The following ZNF385B variants were observed in gnomAD, a reference collection of about 807,000 sequenced individuals.
The protein encoded by ZNF385B is zinc finger protein 533.
A neutral mutation model predicts 39.2 loss-of-function variants in ZNF385B; 23 were observed. The observed-to-expected ratio is 0.59, with a 90% CI of 0.42 to 0.83. The LOEUF is 0.83. Ranked by LOEUF, ZNF385B falls within the 40% of genes least tolerant of loss-of-function variation. ZNF385B has a pLI of 0.00. For missense variants in ZNF385B, 552 were observed against 598.9 expected (o/e 0.92, Z 0.82); for synonymous variants, 205 against 222.6 (o/e 0.92, Z 0.70).
At chr2:179,753,204 T>A (rs1415016700) in intron 3 of ZNF385B, among the ~76,000 whole-genome samples, 1 of 152,248 alleles carries the variant, frequency 6.6e-6, no homozygotes, top group South Asian at 2.1e-4. Context: ...ATTTCCCCAT[T>A]TCTTGTTTTT....
At chr2:179,769,280 C>T (rs1262917323) in intron 3 of ZNF385B, among the ~76,000 whole-genome samples, 1 of 152,092 alleles carries the variant, frequency 6.6e-6, no homozygotes, top group Non-Finnish European at 1.5e-5. Context: ...ACAAATTGTG[C>T]ATATGTGTGT....
chr2:179,570,302 T>C (rs1211941615), intron 3 of ZNF385B, among the ~76,000 whole-genome samples: 1 of 152,096 alleles, frequency 6.6e-6, no homozygotes, highest in African/African-American at 2.4e-5. Context: ...CCTTTGTGAG[T>C]TCACTAAGGC....
At chr2:179,811,093 C>A (rs1706704924) in intron 1 of ZNF385B, among the ~76,000 whole-genome samples, 1 of 152,032 alleles carries the variant, frequency 6.6e-6, no homozygotes, top group African/African-American at 2.4e-5. Flanking sequence ...CCTAGGAATA[C>A]ATCTAACCAA....
chr2:179,603,676 T>A (rs1245033768), intron 3 of ZNF385B, among the ~76,000 whole-genome samples: 1 of 152,138 alleles, frequency 6.6e-6, no homozygotes, highest in Non-Finnish European at 1.5e-5. Flanking sequence ...AAGAAAATAG[T>A]GTCTCCAGTT....
intron 1 of ZNF385B, among the ~76,000 whole-genome samples, chr2:179,856,507 G>A (rs1350541340): frequency 1.3e-5 from 2 of 151,920 alleles, no homozygotes; most frequent in Non-Finnish European, 2.9e-5. Context: ...TGAGTCTCCT[G>A]CGCCCTATTT....
chr2:179,492,287 C>T (rs1198903765), intron 5 of ZNF385B, among the ~76,000 whole-genome samples: 2 of 152,112 alleles, frequency 1.3e-5, no homozygotes, highest in Admixed American at 1.3e-4. Context: ...CCATTGTGTG[C>T]TTCATAAGAG....
At chr2:179,647,534 G>A (rs11673916) in intron 3 of ZNF385B, among the ~76,000 whole-genome samples, 2,120 of 152,184 alleles carry the variant, frequency 0.014, 19 homozygotes, top group Middle Eastern at 0.024. Context: ...AGTCTCCTGC[G>A]TTAGTGAATA....
At chr2:179,785,370 A>G (rs1337858086) in intron 1 of ZNF385B, among the ~76,000 whole-genome samples, 2 of 152,146 alleles carry the variant, frequency 1.3e-5, no homozygotes, top group African/African-American at 4.8e-5. Flanking sequence ...AAAATTTTTA[A>G]AATCTATATG....
chr2:179,460,773 G>A (rs942948775), intron 6 of ZNF385B, among the ~76,000 whole-genome samples: 3 of 152,068 alleles, frequency 2.0e-5, no homozygotes, highest in African/African-American at 7.2e-5. Context: ...ATACCTCTAC[G>A]ATTTCATTGC....
chr2:179,772,976 A>T (rs2106510073), intron 1 of ZNF385B, among the ~76,000 whole-genome samples: 1 of 152,342 alleles, frequency 6.6e-6, no homozygotes, highest in East Asian at 1.9e-4. Context: ...AGTGCAGGCA[A>T]AAGAATGAGA....
intron 1 of ZNF385B, among the ~76,000 whole-genome samples, chr2:179,789,586 A>C (rs1227994649): frequency 6.6e-6 from 1 of 152,204 alleles, no homozygotes; most frequent in Non-Finnish European, 1.5e-5. Flanking sequence ...ATCAACAAGC[A>C]AAATTTAAAT....
intron 4 of ZNF385B, among the ~76,000 whole-genome samples, chr2:179,537,380 C>T (rs2059643764): frequency 6.6e-6 from 1 of 151,378 alleles, no homozygotes; most frequent in Admixed American, 6.6e-5. Flanking sequence ...CACAATAGTG[C>T]AGATGGTCAC....
intron 3 of ZNF385B, among the ~76,000 whole-genome samples, chr2:179,656,490 C>A (rs1467934469): frequency 6.6e-6 from 1 of 152,144 alleles, no homozygotes; most frequent in African/African-American, 2.4e-5. Flanking sequence ...GGTAATGGCA[C>A]AGCAGCTAAT....
chr2:179,776,754 G>A (rs17774379), intron 1 of ZNF385B, among the ~76,000 whole-genome samples: 12,373 of 152,206 alleles, frequency 0.081, 597 homozygotes, highest in Non-Finnish European at 0.11. Context: ...ACTGGCTTGG[G>A]ATATCTCAGG....
At chr2:179,807,376 T>C (rs554643514) in intron 1 of ZNF385B, among the ~76,000 whole-genome samples, 39 of 152,256 alleles carry the variant, frequency 2.6e-4, no homozygotes, top group African/African-American at 8.4e-4. Flanking sequence ...GGTGGGCAGA[T>C]CACCTGAGGT....
At chr2:179,823,615 T>A (rs1218536016) in intron 1 of ZNF385B, among the ~76,000 whole-genome samples, 2 of 152,308 alleles carry the variant, frequency 1.3e-5, no homozygotes, top group Non-Finnish European at 2.9e-5. Context: ...TTTCAAATTA[T>A]ATTTTTAAAT....
rs546117860 is a variant in ZNF385B at position 179,758,838 on chromosome 2, A to G, written c.298+10665T>C. 1.1e-4 allele frequency among the ~76,000 whole-genome samples: 16 copies of G among 152,344 alleles called. No individual in the cohort carries two copies. The South Asian group carries it at 3.3e-3, about 32-fold the overall frequency. The stretch of plus-strand genomic sequence containing the variant: ...GCAGCTCCACGGGTGTGCACCAATG[A>G]GTCCGGCACAAGAACCACCTAGCTG... On this transcript the variant is annotated intron_variant, in intron 3 of 9. Coordinates refer to ENST00000410066, the MANE Select transcript of ZNF385B (RefSeq NM_152520.6).
At chr2:179,739,468 G>A (rs890075448) in intron 3 of ZNF385B, among the ~76,000 whole-genome samples, 2 of 152,142 alleles carry the variant, frequency 1.3e-5, no homozygotes, top group African/African-American at 2.4e-5. Context: ...TGAACTATTT[G>A]GGTTTAGAAC....
At chr2:179,537,692 G>C (rs555114286) in intron 4 of ZNF385B, among the ~76,000 whole-genome samples, 15 of 151,604 alleles carry the variant, frequency 9.9e-5, no homozygotes, top group African/African-American at 3.6e-4. Context: ...AGTGAGCTGA[G>C]ATTGTACCAC....
Sources: gnomAD v4.1 joint callset for allele counts (sites outside exome capture counted in the v4.1 genomes callset) on GRCh38, gnomAD v4.1.1 for gene constraint, MANE v1.5 for transcripts, NCBI Gene and HGNC (gene_info 2026-07-23, HGNC 2026-07-21) for gene names.